The following ZNF385B variants were observed in gnomAD, a reference collection of about 807,000 sequenced individuals.
ZNF385B encodes zinc finger protein 385B.
In ZNF385B, 23 loss-of-function variants were observed where a neutral mutation model predicts 39.2. The observed-to-expected ratio is 0.59, with a 90% CI of 0.42 to 0.83. The LOEUF is 0.83. Among genes scored for constraint, ZNF385B ranks in the 40% least tolerant of loss-of-function variants. The pLI, the probability that ZNF385B is intolerant of heterozygous loss-of-function variation, is 0.00. For missense variants in ZNF385B, 552 were observed against 598.9 expected (o/e 0.92, Z 0.82); for synonymous variants, 205 against 222.6 (o/e 0.92, Z 0.70).
intron 5 of ZNF385B, among the ~76,000 whole-genome samples, chr2:179,496,311 T>A (rs1431696890): frequency 6.6e-6 from 1 of 151,640 alleles, no homozygotes; most frequent in East Asian, 1.9e-4. Flanking sequence ...AAAAAAGAAT[T>A]AAAAAAACAA....
intron 3 of ZNF385B, among the ~76,000 whole-genome samples, chr2:179,696,675 C>A (rs1472117395): frequency 1.3e-5 from 2 of 151,988 alleles, no homozygotes; most frequent in African/African-American, 4.8e-5. Flanking sequence ...AGAGTACACA[C>A]AAATCCAGGT....
At chr2:179,856,020 G>C (rs969076283) in intron 1 of ZNF385B, among the ~76,000 whole-genome samples, 1 of 152,104 alleles carries the variant, frequency 6.6e-6, no homozygotes, top group Non-Finnish European at 1.5e-5. Context: ...AGGTACTATA[G>C]TTCTCCATCC....
chr2:179,472,653 C>T (rs765984268), intron 6 of ZNF385B, among the ~76,000 whole-genome samples: 7 of 152,172 alleles, frequency 4.6e-5, no homozygotes, highest in Non-Finnish European at 7.4e-5. Flanking sequence ...AAGTGTTTTG[C>T]AAAAGCTGGA....
intron 1 of ZNF385B, among the ~76,000 whole-genome samples, chr2:179,842,735 T>A (rs1178595106): frequency 1.3e-5 from 2 of 152,150 alleles, no homozygotes; most frequent in South Asian, 2.1e-4. Flanking sequence ...GTGATCCAGA[T>A]GAAGAGTCAC....
intron 1 of ZNF385B, among the ~76,000 whole-genome samples, chr2:179,820,028 C>A (rs1337767138): frequency 2.0e-5 from 3 of 152,050 alleles, no homozygotes; most frequent in South Asian, 4.2e-4. Flanking sequence ...TTTCAAACAC[C>A]CTTAGAATGT....
At chr2:179,444,521 T>A (rs1392731041) in intron 9 of ZNF385B, among the ~76,000 whole-genome samples, 2 of 152,192 alleles carry the variant, frequency 1.3e-5, no homozygotes, top group Non-Finnish European at 2.9e-5. Context: ...ATTAAATGGA[T>A]GGATTTTTGT....
At chr2:179,664,651 G>T (rs1694922293) in intron 3 of ZNF385B, among the ~76,000 whole-genome samples, 1 of 152,106 alleles carries the variant, frequency 6.6e-6, no homozygotes, top group Admixed American at 6.5e-5. Flanking sequence ...GACTGGATGT[G>T]TCTTGTATTA....
At chr2:179,850,228 T>G (rs1397481524) in intron 1 of ZNF385B, among the ~76,000 whole-genome samples, 1 of 152,130 alleles carries the variant, frequency 6.6e-6, no homozygotes, top group Non-Finnish European at 1.5e-5. Flanking sequence ...CTAAAGTCAC[T>G]CCTCAAATTA....
chr2:179,456,982 T>C (rs1449166123), intron 6 of ZNF385B, among the ~76,000 whole-genome samples: 1 of 152,156 alleles, frequency 6.6e-6, no homozygotes, highest in Non-Finnish European at 1.5e-5. Context: ...TACATTCACG[T>C]AAATACAATA....
rs557195292 is a variant in ZNF385B at position 179,761,031 on chromosome 2, T to C, written c.298+8472A>G. Among the ~76,000 whole-genome samples the C allele has an allele frequency of 2.0e-5, 3 of 152,282 alleles. No individual in the cohort carries two copies. In the South Asian group the frequency reaches 6.2e-4, roughly 32 times the overall value. ...CTCCATTGACTTGCTTTTGTACCTT[T>C]ATCAAAAAATCAATTGAGTATGTGT... On this transcript the variant is annotated intron_variant, in intron 3 of 9. Transcript: ENST00000410066.
intron 3 of ZNF385B, among the ~76,000 whole-genome samples, chr2:179,670,497 A>AAACAAAC (rs370109614): frequency 5.1e-5 from 7 of 137,452 alleles, no homozygotes; most frequent in Admixed American, 1.4e-4. Flanking sequence ...AAACAAACAA[A>AAACAAAC]AAAAAATAGG....
intron 6 of ZNF385B, among the ~76,000 whole-genome samples, chr2:179,459,110 T>G (rs959114236): frequency 1.3e-5 from 2 of 152,228 alleles, no homozygotes; most frequent in Non-Finnish European, 2.9e-5. Flanking sequence ...ATAGGTGTTT[T>G]CTCTGAATTT....
At chr2:179,525,005 C>T (rs963924799) in intron 4 of ZNF385B, among the ~76,000 whole-genome samples, 18 of 152,174 alleles carry the variant, frequency 1.2e-4, no homozygotes, top group African/African-American at 4.1e-4. Flanking sequence ...TCTCCATCAT[C>T]ACTCGAGGCA....
At chr2:179,505,268 CTTAAT>C (rs2057148794) in intron 5 of ZNF385B, among the ~76,000 whole-genome samples, 1 of 151,320 alleles carries the variant, frequency 6.6e-6, no homozygotes, top group South Asian at 2.1e-4. Flanking sequence ...TAAATTACAT[CTTAAT>C]TTAAAAGTGT....
intron 3 of ZNF385B, among the ~76,000 whole-genome samples, chr2:179,734,856 C>A (rs541474512): frequency 6.6e-6 from 1 of 152,286 alleles, no homozygotes; most frequent in African/African-American, 2.4e-5. Context: ...GGATCCCTTC[C>A]TTACACCTTA....
At chr2:179,658,391 T>A (rs1435079823) in intron 3 of ZNF385B, among the ~76,000 whole-genome samples, 3 of 152,204 alleles carry the variant, frequency 2.0e-5, no homozygotes, top group Non-Finnish European at 2.9e-5. Flanking sequence ...AGGTATACAG[T>A]GTTGCCAATA....
chr2:179,567,669 A>T (rs544378320), intron 3 of ZNF385B, among the ~76,000 whole-genome samples: 35 of 152,188 alleles, frequency 2.3e-4, no homozygotes, highest in South Asian at 4.1e-4. Flanking sequence ...GAGAGACAAA[A>T]GTGGGCTAGA....
chr2:179,450,583 TAA>T (rs2050016352), intron 6 of ZNF385B, among the ~76,000 whole-genome samples: 1 of 152,118 alleles, frequency 6.6e-6, no homozygotes, highest in Middle Eastern at 3.4e-3. Flanking sequence ...TGGCGATCAT[TAA>T]AAAGTCAGGA....
At chr2:179,720,399 AGAGGGGAGGGGAG>A (rs2106404178) in intron 3 of ZNF385B, among the ~76,000 whole-genome samples, 1 of 125,778 alleles carries the variant, frequency 8.0e-6, no homozygotes, top group Non-Finnish European at 1.7e-5. Context: ...AGAGCAGGGG[AGAGGGGAGGGGAG>A]GAGGGGAGGG....
Sources: allele counts gnomAD v4.1 joint callset (sites outside exome capture counted in the v4.1 genomes callset), GRCh38; gene constraint gnomAD v4.1.1; transcripts MANE v1.5; gene names NCBI Gene and HGNC (gene_info 2026-07-23, HGNC 2026-07-21).